TXNIP: variants seen among roughly 807,000 people sequenced by gnomAD.
The protein encoded by TXNIP is thioredoxin-interacting protein.
Under a neutral mutation model 43.9 loss-of-function variants are expected in TXNIP, and 23 were observed. The observed-to-expected ratio is 0.52, with a 90% CI of 0.38 to 0.74. The LOEUF is 0.74. Ranked by LOEUF, TXNIP falls within the 30% of genes least tolerant of loss-of-function variation. TXNIP has a pLI of 0.00. For missense variants in TXNIP, 555 were observed against 485.4 expected (o/e 1.14, Z -1.35); for synonymous variants, 234 against 172.2 (o/e 1.36, Z -2.81).
chr1:145,993,742 T>G lies in TXNIP; in HGVS notation c.*109A>C. 3 of 1,315,778 alleles carry G rather than the reference T, an allele frequency of 2.3e-6. No individual in the cohort carries two copies. The highest frequency in any genetic ancestry group is 3.2e-6 in the Non-Finnish European group (3 of 941,820). The allele number at this position is 1,315,778 out of a possible 1,614,324, so 81.5% of individuals were successfully genotyped here. A position where few individuals can be genotyped will look rare whatever the true frequency, so the allele number is the denominator to read the frequency against. On this transcript the variant is annotated 3_prime_UTR_variant, in exon 8 of 8. Transcript: ENST00000582401. Reference sequence around the variant, plus strand: ...TACATTAGGAAGTCAGAGGCTAAGGTGGACCCACACTCCATTGCAGAGACT... The same window carrying G: ...TACATTAGGAAGTCAGAGGCTAAGGGGGACCCACACTCCATTGCAGAGACT...
rs1294836117 is a variant in TXNIP at position 145,993,861 on chromosome 1, T to C, written c.1166A>G (p.Asn389Ser). Residue 389 changes from asparagine to serine, a missense_variant, in exon 8 of 8, where the codon AAT (asparagine) becomes AGT (serine). Coordinates refer to ENST00000582401, the MANE Select transcript of TXNIP (RefSeq NM_006472.6). Reference protein sequence around the residue: ...TEVDPCILNNNVQ With the variant: ...TEVDPCILNNSVQ ...TTTTCTTCCACATGCTCACTGCACA[T>C]TGTTGTTGAGGATGCAGGGATCCAC... The C allele has an allele frequency of 1.2e-6, 2 of 1,614,038 alleles. No homozygotes were observed. Among genetic ancestry groups the C allele is most frequent in the Non-Finnish European group, 1.7e-6 (2 of 1,180,022 alleles).
intron 5 of TXNIP, 22 bp from the exon 6 acceptor site, chr1:145,994,459 T>C (rs1553766034): frequency 6.2e-7 from 1 of 1,613,554 alleles, no homozygotes; most frequent in Admixed American, 1.7e-5. Context: ...GATGGCAGTT[T>C]ATTACACCAG....
Position 145,994,400 on chromosome 1 carries a change from A to C in TXNIP, c.869T>G (p.Leu290Arg), listed in dbSNP as rs1416171784. 6.2e-7 allele frequency: 1 copy of C among 1,613,988 alleles called. No homozygotes were observed. The highest frequency in any genetic ancestry group is 8.5e-7 in the Non-Finnish European group (1 of 1,179,958). ...VSVPGSKKVI[L>R]DLPLVIGSRS... ...GCTGCCAATTACCAGGGGCAGGTCA[A>C]GGATGACCTTCTTGGATCCAGGAAC... The change falls in exon 6 of 8, where the codon CTT becomes CGT. Residue 290 changes from leucine to arginine, a missense_variant. Coordinates refer to ENST00000582401, the MANE Select transcript of TXNIP (RefSeq NM_006472.6).
chr1:145,995,324 C>T, intron 2 of TXNIP, 33 bp from the exon 3 acceptor site: 3 of 1,610,600 alleles, frequency 1.9e-6, no homozygotes, highest in South Asian at 1.1e-5. Flanking sequence ...TTAAAACGCT[C>T]TCCAAGAACA....
rs1192299035 is a variant in TXNIP, at chr1:145,994,330, G to C, written c.939C>G (p.Thr313=). 2.5e-6 allele frequency: 4 copies of C among 1,614,224 alleles called. No homozygotes were observed. The highest frequency in any genetic ancestry group is 3.4e-6 in the Non-Finnish European group (4 of 1,180,042). Reference sequence around the variant, plus strand: ...GATCTACCCAACTCATCTCAGAGCTGGTTCGGCTGGCCATGCTGGATGTTC... The same window carrying C: ...GATCTACCCAACTCATCTCAGAGCTCGTTCGGCTGGCCATGCTGGATGTTC... ...SSRTSSMASR[T]SSEMSWVDLN... The change falls in exon 6 of 8, where the codon ACC becomes ACG. Residue 313 remains threonine (T), a synonymous_variant. Transcript: ENST00000582401.
Position 145,993,747 on chromosome 1 carries a change from C to T in TXNIP, c.*104G>A. The T allele has an allele frequency of 7.3e-7, 1 of 1,367,394 alleles. No individual in the cohort carries two copies. The allele number at this position is 1,367,394 out of a possible 1,614,324, so 84.7% of individuals were successfully genotyped here. On this transcript the variant is annotated 3_prime_UTR_variant, in exon 8 of 8. Transcript: ENST00000582401. ...TAGGAAGTCAGAGGCTAAGGTGGACCCACACTCCATTGCAGAGACTGTTGA... is the reference window on the plus strand; with the variant it reads ...TAGGAAGTCAGAGGCTAAGGTGGACTCACACTCCATTGCAGAGACTGTTGA...
chr1:145,993,303 A>G lies in TXNIP; in HGVS notation c.*548T>C, dbSNP rs1651266079. ...GAAAGCTCTCTCCATTGTCCATCAA[A>G]TCAGCTCTAGAAGGTTTTTCTTTTT... On this transcript the variant is annotated 3_prime_UTR_variant, in exon 8 of 8. Coordinates refer to ENST00000582401, the MANE Select transcript of TXNIP (RefSeq NM_006472.6). 1 of 153,660 alleles carries G rather than the reference A, an allele frequency of 6.5e-6. No individual in the cohort carries two copies. Among genetic ancestry groups the G allele is most frequent in the African/African-American group, 2.4e-5 (1 of 41,436 alleles). The allele number at this position is 153,660 out of a possible 1,614,324, so 9.5% of individuals were successfully genotyped here. A position where few individuals can be genotyped will look rare whatever the true frequency, so the allele number is the denominator to read the frequency against.
At position 145,994,346 on chromosome 1, in the gene TXNIP, C is replaced by T. The variant is rs782230077; in HGVS notation, c.923G>A (p.Ser308Asn). 3.1e-6 allele frequency: 5 copies of T among 1,614,198 alleles called. No homozygotes were observed. In the Admixed American group the frequency reaches 6.7e-5, roughly 22 times the overall value. ...SRSGLSSRTSSMASRTSSEMS... is the reference protein window; with the variant it reads ...SRSGLSSRTSNMASRTSSEMS... ...CTCAGAGCTGGTTCGGCTGGCCATGCTGGATGTTCTGCTGCTTAGACCTGA... is the reference window on the plus strand; with the variant it reads ...CTCAGAGCTGGTTCGGCTGGCCATGTTGGATGTTCTGCTGCTTAGACCTGA... Residue 308 changes from serine to asparagine, a missense_variant, in exon 6 of 8, where the codon AGC becomes AAC. By Grantham distance (46) the Ser-to-Asn change is conservative. Transcript: ENST00000582401.
Position 145,993,811 on chromosome 1 carries a change from AG to A in TXNIP, c.*39del, listed in dbSNP as rs1553765770. 1 of 1,613,032 alleles carries A rather than the reference AG, an allele frequency of 6.2e-7. No homozygotes were observed. The highest frequency in any genetic ancestry group is 1.1e-5 in the South Asian group (1 of 90,948). ...TGAGTGTCCAGGAAGAGAGACAAAA[AG>A]AAACAAGTAGGTAAAGCTGCTTCTT... On this transcript the variant is annotated 3_prime_UTR_variant, in exon 8 of 8. Coordinates refer to ENST00000582401, the MANE Select transcript of TXNIP (RefSeq NM_006472.6).
rs1410937390 is a variant in TXNIP, at chr1:145,993,707, G to A, written c.*144C>T. The A allele has an allele frequency of 2.2e-6, 2 of 896,958 alleles. No homozygotes were observed. The highest frequency in any genetic ancestry group is 3.4e-5 in the African/African-American group (2 of 59,430). 55.6% of individuals were successfully genotyped at this position (896,958 alleles called of 1,614,324 possible). The stretch of plus-strand genomic sequence containing the variant: ...TTTAAGGCCCAGGAGATTGCCTGCT[G>A]ACCACCTCCTACATTAGGAAGTCAG... On this transcript the variant is annotated 3_prime_UTR_variant, in exon 8 of 8. Coordinates refer to ENST00000582401, the MANE Select transcript of TXNIP (RefSeq NM_006472.6).
At chr1:145,993,991 T>A (rs1553765839) in intron 7 of TXNIP, 25 bp downstream of exon 7, 1 of 1,613,904 alleles carries the variant, frequency 6.2e-7, no homozygotes, top group African/African-American at 1.3e-5. Context: ...AGGACAAATT[T>A]AACAGTAAAG....
rs781783114 is a variant in TXNIP, at chr1:145,994,967, G to A, written c.536C>T (p.Ser179Phe). Residue 179 changes from serine to phenylalanine, a missense_variant, in exon 4 of 8, where the codon TCT becomes TTT. Transcript: ENST00000582401. The part of the protein sequence containing the change: ...SCMFIPDGRV[S>F]VSARIDRKGF... ...TTTTCTGTCAATTCGAGCAGAGACA[G>A]ACACCCGCCCATCAGGAATGAACAT... is the stretch of plus-strand genomic sequence containing the variant. 210 of 1,614,068 alleles carry A rather than the reference G, an allele frequency of 1.3e-4. No homozygotes were observed. Among genetic ancestry groups the A allele is most frequent in the Non-Finnish European group, 1.8e-4 (208 of 1,180,050 alleles).
Position 145,994,396 on chromosome 1 carries a change from G to T in TXNIP, c.873C>A (p.Asp291Glu), listed in dbSNP as rs368295042. 1 of 1,614,122 alleles carries T rather than the reference G, an allele frequency of 6.2e-7. No homozygotes were observed. The highest frequency in any genetic ancestry group is 8.5e-7 in the Non-Finnish European group (1 of 1,179,990). The part of the protein sequence containing the change: ...SVPGSKKVIL[D>E]LPLVIGSRSG... Reference sequence around the variant, plus strand: ...ATCTGCTGCCAATTACCAGGGGCAGGTCAAGGATGACCTTCTTGGATCCAG... The same window carrying T: ...ATCTGCTGCCAATTACCAGGGGCAGTTCAAGGATGACCTTCTTGGATCCAG... Residue 291 changes from aspartate (D) to glutamate (E), a missense_variant, in exon 6 of 8, where the codon GAC (aspartate) becomes GAA (glutamate). Asp to Glu is a conservative substitution (Grantham distance 45). Transcript: ENST00000582401.
intron 7 of TXNIP, 21 bp downstream of exon 7, chr1:145,993,995 A>G: frequency 3.7e-6 from 6 of 1,614,102 alleles, no homozygotes; most frequent in South Asian, 1.1e-5. Context: ...CAAATTTAAC[A>G]GTAAAGATGA....
At position 145,993,759 on chromosome 1, in the gene TXNIP, G is replaced by T; in HGVS notation, c.*92C>A. 1 of 1,436,798 alleles carries T rather than the reference G, an allele frequency of 7.0e-7. No individual in the cohort carries two copies. The highest frequency in any genetic ancestry group is 9.7e-7 in the Non-Finnish European group (1 of 1,033,470). 89.0% of individuals were successfully genotyped at this position (1,436,798 alleles called of 1,614,324 possible). On this transcript the variant is annotated 3_prime_UTR_variant, in exon 8 of 8. Coordinates refer to ENST00000582401, the MANE Select transcript of TXNIP (RefSeq NM_006472.6). The stretch of plus-strand genomic sequence containing the variant: ...GGCTAAGGTGGACCCACACTCCATT[G>T]CAGAGACTGTTGAGTCTCTGAAAAA...
chr1:145,994,325 G>A lies in TXNIP; in HGVS notation c.944C>T (p.Ser315Phe). Residue 315 changes from serine to phenylalanine, a missense_variant, in exon 6 of 8, where the codon TCT becomes TTT. Ser to Phe is a radical substitution (Grantham distance 155). Coordinates refer to ENST00000582401, the MANE Select transcript of TXNIP (RefSeq NM_006472.6). ...GTTCAGATCTACCCAACTCATCTCA[G>A]AGCTGGTTCGGCTGGCCATGCTGGA... The part of the protein sequence containing the change: ...RTSSMASRTS[S>F]EMSWVDLNIP... 1 of 1,614,194 alleles carries A rather than the reference G, an allele frequency of 6.2e-7. No homozygotes were observed. The highest frequency in any genetic ancestry group is 8.5e-7 in the Non-Finnish European group (1 of 1,180,042).
At position 145,995,384 on chromosome 1, in the gene TXNIP, T is replaced by C. The variant is rs782436419; in HGVS notation, c.323+20A>G. ...TATTTTAGACAGAAAAGTTCAAAGA[T>C]GCATTTAGCTGATATTTACCCCTGA... On this transcript the variant is annotated intron_variant, in intron 2 of 7. Coordinates refer to ENST00000582401, the MANE Select transcript of TXNIP (RefSeq NM_006472.6). The C allele has an allele frequency of 2.5e-6, 4 of 1,611,924 alleles. No individual in the cohort carries two copies. The highest frequency in any genetic ancestry group is 1.1e-5 in the South Asian group (1 of 90,940).
rs1553766133 is a variant in TXNIP at position 145,994,724 on chromosome 1, G to T, written c.651C>A (p.Ala217=). 3.1e-6 allele frequency: 5 copies of T among 1,614,214 alleles called. No individual in the cohort carries two copies. The highest frequency in any genetic ancestry group is 1.1e-5 in the South Asian group (1 of 91,084). Reference sequence around the variant, plus strand: ...GGCCATTGGCAAGGTAAGTGTGGCGGGCCACAATGGCAGCTTTGGGGACCA... The same window carrying T: ...GGCCATTGGCAAGGTAAGTGTGGCGTGCCACAATGGCAGCTTTGGGGACCA... ...RIVVPKAAIV[A]RHTYLANGQT... Residue 217 remains alanine, a synonymous_variant, in exon 5 of 8, where the codon GCC becomes GCA. Coordinates refer to ENST00000582401, the MANE Select transcript of TXNIP (RefSeq NM_006472.6).
intron 6 of TXNIP, 52 bp from the exon 7 acceptor site, chr1:145,994,219 C>T: frequency 1.2e-6 from 2 of 1,612,818 alleles, no homozygotes; most frequent in South Asian, 2.2e-5. Flanking sequence ...AATGCTGGAC[C>T]ATCACAATTT....
Sources: gnomAD v4.1 joint callset for allele counts on GRCh38, gnomAD v4.1.1 for gene constraint, MANE v1.5 for transcripts, NCBI Gene and HGNC (gene_info 2026-07-23, HGNC 2026-07-21) for gene names.